Variants in IQCM observed in about 807,000 individuals in gnomAD.
The protein encoded by IQCM is IQ motif containing M.
In IQCM, 45 loss-of-function variants were observed where a neutral mutation model predicts 57.6. The observed-to-expected ratio is 0.78, with a 90% CI of 0.62 to 1.00. The LOEUF is 1.00. IQCM is among the 50% of genes least tolerant of loss of function. The probability of loss-of-function intolerance (pLI) is 0.00; values close to 1 mark genes in which losing one functional copy is unlikely to be tolerated. For missense variants in IQCM, 468 were observed against 511.6 expected, an observed-to-expected ratio of 0.91 and a Z score of 0.82; for synonymous variants, 148 against 158.9, an observed-to-expected ratio of 0.93 and a Z score of 0.51.
At chr4:149,416,585 G>A (rs369650721) in intron 13 of IQCM, among the ~76,000 whole-genome samples, 2 of 152,016 alleles carry the variant, frequency 1.3e-5, no homozygotes, top group Non-Finnish European at 2.9e-5. Flanking sequence ...AGTGTGCGGC[G>A]AGGGCTGAGA....
intron 5 of IQCM, among the ~76,000 whole-genome samples, chr4:149,731,065 G>A (rs182885795): frequency 1.1e-4 from 17 of 152,082 alleles, no homozygotes; most frequent in South Asian, 1.0e-3. Context: ...AACTGAATTC[G>A]TTATTTTCCC....
intron 13 of IQCM, among the ~76,000 whole-genome samples, chr4:149,404,600 C>T (rs1010804264): frequency 6.6e-6 from 1 of 151,980 alleles, no homozygotes; most frequent in African/African-American, 2.4e-5. Flanking sequence ...GTGTTTATTT[C>T]TTGGAGTGTA....
chr4:149,467,634 A>G (rs36016702), intron 12 of IQCM, among the ~76,000 whole-genome samples: 4,604 of 152,346 alleles, frequency 0.03, 98 homozygotes, highest in Non-Finnish European at 0.047. Context: ...CAGAATTCCC[A>G]GACTAGAAAT....
chr4:149,414,392 T>C (rs1733598917), intron 13 of IQCM, among the ~76,000 whole-genome samples: 1 of 152,130 alleles, frequency 6.6e-6, no homozygotes, highest in Non-Finnish European at 1.5e-5. Flanking sequence ...AGTTTTTCTA[T>C]TATATAAGAA....
intron 2 of IQCM, among the ~76,000 whole-genome samples, chr4:149,811,144 G>T (rs961060177): frequency 1.3e-5 from 2 of 152,158 alleles, no homozygotes; most frequent in African/African-American, 4.8e-5. Context: ...AGAGGCACCT[G>T]CTTGAACTGA....
In IQCM at chr4:149,632,644, G is replaced by C. The variant is rs76653533; in HGVS notation, c.566-11400C>G. Reference sequence around the variant, plus strand: ...GATTACAGAACAAAATTTTAGCCCTGCTTATATTTATATATTCATTCCAAA... The same window carrying C: ...GATTACAGAACAAAATTTTAGCCCTCCTTATATTTATATATTCATTCCAAA... On this transcript the variant is annotated intron_variant, in intron 7 of 13. Coordinates refer to ENST00000636793, the MANE Select transcript of IQCM (RefSeq NM_001363507.2). 6.4e-4 allele frequency among the ~76,000 whole-genome samples: 98 copies of C among 152,182 alleles called. 1 individual carries two copies. In the East Asian group the frequency reaches 0.018, roughly 29 times the overall value.
chr4:149,400,007 A>G (rs1732500685), intron 13 of IQCM, among the ~76,000 whole-genome samples: 1 of 152,064 alleles, frequency 6.6e-6, no homozygotes, highest in South Asian at 2.1e-4. Context: ...TTAATGAAAT[A>G]CAATTGCAGA....
intron 12 of IQCM, among the ~76,000 whole-genome samples, chr4:149,468,957 C>A (rs181438095): frequency 2.0e-5 from 3 of 152,114 alleles, no homozygotes; most frequent in Non-Finnish European, 2.9e-5. Flanking sequence ...GACATCCACA[C>A]CAAAACCCAT....
chr4:149,367,453 T>C (rs1729921281), intron 13 of IQCM, among the ~76,000 whole-genome samples: 1 of 152,030 alleles, frequency 6.6e-6, no homozygotes, highest in South Asian at 2.1e-4. Context: ...CATTTTGACT[T>C]ATTTACTCAA....
At chr4:149,554,284 T>C in intron 10 of IQCM, among the ~76,000 whole-genome samples, 1 of 152,184 alleles carries the variant, frequency 6.6e-6, no homozygotes, top group Non-Finnish European at 1.5e-5. Context: ...GAAACTAGCA[T>C]AGAGGCATTC....
intron 12 of IQCM, among the ~76,000 whole-genome samples, chr4:149,504,313 T>C (rs899417462): frequency 6.6e-6 from 1 of 152,200 alleles, no homozygotes; most frequent in African/African-American, 2.4e-5. Context: ...GCAAAATGAA[T>C]GTGCAACCGA....
Position 149,702,300 on chromosome 4 carries a change from TCACACA to T in IQCM, c.386-15838_386-15833del, listed in dbSNP as rs3085128. On this transcript the variant is annotated intron_variant, in intron 5 of 13. Transcript: ENST00000636793. ...TACACTCACTGATGACTCCCTCACTTCACACACACACACACACACACACACACACAC... is the reference window on the plus strand; with the variant it reads ...TACACTCACTGATGACTCCCTCACTTCACACACACACACACACACACACAC... Among the ~76,000 whole-genome samples, 9 of 145,950 alleles carry T rather than the reference TCACACA, an allele frequency of 6.2e-5. No homozygotes were observed. In the East Asian group the frequency reaches 8.1e-4, roughly 13 times the overall value.
At chr4:149,639,775 A>G (rs1758030156) in intron 7 of IQCM, among the ~76,000 whole-genome samples, 1 of 152,128 alleles carries the variant, frequency 6.6e-6, no homozygotes, top group African/African-American at 2.4e-5. Flanking sequence ...TTAAAAATAA[A>G]AAAATTAGCC....
At chr4:149,412,331 A>G (rs1378555629) in intron 13 of IQCM, among the ~76,000 whole-genome samples, 2 of 152,126 alleles carry the variant, frequency 1.3e-5, no homozygotes, top group African/African-American at 4.8e-5. Context: ...TTAAATTATA[A>G]TATCTTTTTA....
At chr4:149,665,830 G>T (rs1303687991) in intron 7 of IQCM, among the ~76,000 whole-genome samples, 2 of 152,088 alleles carry the variant, frequency 1.3e-5, no homozygotes, top group East Asian at 3.9e-4. Flanking sequence ...ATAAAAGCAG[G>T]TGGAGAAAGG....
chr4:149,787,467 T>C (rs759400319), intron 2 of IQCM, among the ~76,000 whole-genome samples: 1 of 152,132 alleles, frequency 6.6e-6, no homozygotes, highest in African/African-American at 2.4e-5. Context: ...CAAAAGAGCA[T>C]TGTATGTGTA....
At chr4:149,706,284 C>A (rs1008334443) in intron 5 of IQCM, among the ~76,000 whole-genome samples, 1 of 151,876 alleles carries the variant, frequency 6.6e-6, no homozygotes, top group Non-Finnish European at 1.5e-5. Flanking sequence ...TGACAAAAAT[C>A]ACATTTAAGG....
intron 5 of IQCM, among the ~76,000 whole-genome samples, chr4:149,690,505 C>G (rs1762869235): frequency 2.0e-5 from 3 of 152,072 alleles, no homozygotes; most frequent in Admixed American, 2.0e-4. Context: ...GCACCAAAAT[C>G]TCACAAATTA....
At chr4:149,489,714 C>T (rs1741883761) in intron 12 of IQCM, among the ~76,000 whole-genome samples, 1 of 151,770 alleles carries the variant, frequency 6.6e-6, no homozygotes, top group South Asian at 2.1e-4. Flanking sequence ...AATTGACCTG[C>T]TTTGCTGTCA....
Sources: gnomAD v4.1 joint callset for allele counts (sites outside exome capture counted in the v4.1 genomes callset) on GRCh38, gnomAD v4.1.1 for gene constraint, MANE v1.5 for transcripts, NCBI Gene and HGNC (gene_info 2026-07-23, HGNC 2026-07-21) for gene names.